The following SPAG1 variants were observed in gnomAD, a reference collection of about 807,000 sequenced individuals.
SPAG1 encodes sperm-associated antigen 1.
Under a neutral mutation model 100.5 loss-of-function variants are expected in SPAG1, and 69 were observed. The ratio of observed to expected loss-of-function variants is 0.69; its 90% CI spans 0.57 to 0.84. The LOEUF is 0.84. Ranked by LOEUF, SPAG1 falls within the 40% of genes least tolerant of loss-of-function variation. SPAG1 has a pLI of 0.00. For synonymous variants in SPAG1, 336 were observed against 411.6 expected, an observed-to-expected ratio of 0.82 and a Z score of 2.22; for missense variants, 955 against 1,133.1, an observed-to-expected ratio of 0.84 and a Z score of 2.26.
intron 16 of SPAG1, among the ~76,000 whole-genome samples, chr8:100,235,050 C>T (rs1323358735): frequency 6.6e-6 from 1 of 152,178 alleles, no homozygotes; most frequent in African/African-American, 2.4e-5. Flanking sequence ...AACAAAGCGC[C>T]ATAGACTGGG....
rs531864358 is a variant in SPAG1 at position 100,193,471 on chromosome 8, A to C, written c.940-641A>C. Among the ~76,000 whole-genome samples, 126 of 152,212 alleles carry C rather than the reference A, an allele frequency of 8.3e-4. 1 individual carries two copies. Among genetic ancestry groups the C allele is most frequent in the East Asian group, 4.5e-3 (23 of 5,142 alleles). Reference sequence around the variant, plus strand: ...GGGAAACCCTGTCTCAGAAACAACAACACCAACAACAACAAAACAAAACAA... The same window carrying C: ...GGGAAACCCTGTCTCAGAAACAACACCACCAACAACAACAAAACAAAACAA... On this transcript the variant is annotated intron_variant, in intron 9 of 18. Coordinates refer to ENST00000388798, the MANE Select transcript of SPAG1 (RefSeq NM_003114.5).
chr8:100,201,632 A>G (rs1330331040), intron 10 of SPAG1, among the ~76,000 whole-genome samples: 1 of 152,112 alleles, frequency 6.6e-6, no homozygotes, highest in Non-Finnish European at 1.5e-5. Flanking sequence ...CTTTTGTCAT[A>G]ATGCTGGCTA....
intron 7 of SPAG1, among the ~76,000 whole-genome samples, chr8:100,185,627 A>G (rs1586431446): frequency 6.6e-6 from 1 of 152,226 alleles, no homozygotes; most frequent in Non-Finnish European, 1.5e-5. Context: ...GAAGTTCTTA[A>G]CAGCCTATGA....
intron 10 of SPAG1, among the ~76,000 whole-genome samples, chr8:100,210,307 T>C (rs932127515): frequency 3.3e-5 from 5 of 152,262 alleles, no homozygotes; most frequent in Middle Eastern, 3.4e-3. Context: ...TGTGTTGGCA[T>C]TGATTGATTT....
intron 4 of SPAG1, among the ~76,000 whole-genome samples, chr8:100,182,060 A>G (rs1816390691): frequency 6.6e-6 from 1 of 152,232 alleles, no homozygotes; most frequent in South Asian, 2.1e-4. Flanking sequence ...AAGATATGTA[A>G]TAGTTTAAAA....
intron 3 of SPAG1, among the ~76,000 whole-genome samples, chr8:100,170,101 G>A (rs1163277350): frequency 1.3e-5 from 2 of 152,062 alleles, no homozygotes; most frequent in Non-Finnish European, 1.5e-5. Context: ...GTTTGAATTG[G>A]GATTGTGTTG....
chr8:100,218,117 C>G (rs1057294242), intron 12 of SPAG1, among the ~76,000 whole-genome samples: 1 of 152,142 alleles, frequency 6.6e-6, no homozygotes, highest in Non-Finnish European at 1.5e-5. Flanking sequence ...CTTATCTTTG[C>G]TACTCTCACA....
chr8:100,175,696 A>G (rs1816085667), intron 3 of SPAG1, among the ~76,000 whole-genome samples: 1 of 152,176 alleles, frequency 6.6e-6, no homozygotes, highest in African/African-American at 2.4e-5. Flanking sequence ...TCTTGAACTC[A>G]TGGGATTCTG....
chr8:100,210,059 TC>T (rs1817657390), intron 10 of SPAG1, among the ~76,000 whole-genome samples: 1 of 152,170 alleles, frequency 6.6e-6, no homozygotes, highest in African/African-American at 2.4e-5. Flanking sequence ...AAAATGGGCA[TC>T]CTTGTCTTGT....
intron 13 of SPAG1, among the ~76,000 whole-genome samples, chr8:100,220,744 T>A (rs1264680818): frequency 6.6e-6 from 1 of 152,170 alleles, no homozygotes; most frequent in Non-Finnish European, 1.5e-5. Flanking sequence ...TAAATATATG[T>A]GGTGATAAGA....
intron 14 of SPAG1, among the ~76,000 whole-genome samples, chr8:100,226,308 A>G (rs905065072): frequency 6.6e-6 from 1 of 152,050 alleles, no homozygotes; most frequent in Non-Finnish European, 1.5e-5. Flanking sequence ...AAGGCAGGGG[A>G]ATGTATTAAT....
chr8:100,218,211 T>C (rs1818096855), intron 12 of SPAG1, among the ~76,000 whole-genome samples: 6 of 152,258 alleles, frequency 3.9e-5, no homozygotes, highest in Admixed American at 3.9e-4. Flanking sequence ...CTTCAAAAGT[T>C]CTCTGTGCTT....
At chr8:100,217,468 G>A (rs554224452) in intron 12 of SPAG1, among the ~76,000 whole-genome samples, 1 of 152,034 alleles carries the variant, frequency 6.6e-6, no homozygotes, top group Non-Finnish European at 1.5e-5. Context: ...TTGGGGTTGG[G>A]GGGGTGTTGA....
Position 100,222,198 on chromosome 8 carries a change from C to A in SPAG1, c.1688+1767C>A, listed in dbSNP as rs546975728. 5.9e-5 allele frequency among the ~76,000 whole-genome samples: 9 copies of A among 152,298 alleles called. 2 individuals carry two copies. Among genetic ancestry groups the A allele is most frequent in the African/African-American group, 1.9e-4 (8 of 41,570 alleles). On this transcript the variant is annotated intron_variant, in intron 13 of 18. Coordinates refer to ENST00000388798, the MANE Select transcript of SPAG1 (RefSeq NM_003114.5). ...GAGAGGACTTGCCTCCTCTAGGAAA[C>A]TACTTGCCCTGATCCACTGTCTCCC... is the stretch of plus-strand genomic sequence containing the variant.
At position 100,213,295 on chromosome 8, in the gene SPAG1, G is replaced by A. The variant is rs1817817126; in HGVS notation, c.1302G>A (p.Gly434=). The A allele has an allele frequency of 8.1e-6, 10 of 1,227,732 alleles. No homozygotes were observed. The highest frequency in any genetic ancestry group is 1.0e-5 in the Non-Finnish European group (10 of 986,972). 76.1% of individuals were successfully genotyped at this position (1,227,732 alleles called of 1,614,324 possible). The part of the protein sequence containing the change: ...AAAAAGGGAT[G]HPGGGQGAEN... ...CGGCGGCGGGCGGCGGCGCCACCGG[G>A]CATCCGGGCGGCGGGCAGGGCGCGG... is the stretch of plus-strand genomic sequence containing the variant. Residue 434 remains glycine (G), a synonymous_variant, in exon 11 of 19, where the codon GGG becomes GGA. Transcript: ENST00000388798.
intron 10 of SPAG1, among the ~76,000 whole-genome samples, chr8:100,209,907 CT>C (rs561570257): frequency 4.1e-4 from 61 of 150,168 alleles, no homozygotes; most frequent in East Asian, 2.9e-3. Flanking sequence ...GGGGTGGATT[CT>C]TTTTTTTTAA....
intron 4 of SPAG1, among the ~76,000 whole-genome samples, chr8:100,179,934 T>C (rs561763009): frequency 6.6e-6 from 1 of 152,338 alleles, no homozygotes; most frequent in East Asian, 1.9e-4. Flanking sequence ...CTTAGGATTT[T>C]GGCAAAAATT....
intron 12 of SPAG1, among the ~76,000 whole-genome samples, chr8:100,219,504 G>T (rs927547679): frequency 1.3e-5 from 2 of 152,152 alleles, no homozygotes; most frequent in East Asian, 3.8e-4. Flanking sequence ...TTAACCAAAG[G>T]CTCTGCGCTG....
At chr8:100,204,935 T>C (rs112313639) in intron 10 of SPAG1, among the ~76,000 whole-genome samples, 3,274 of 152,216 alleles carry the variant, frequency 0.022, 103 homozygotes, top group African/African-American at 0.072. Flanking sequence ...GTAGCTACCA[T>C]AATGGACAGT....
Sources: allele counts gnomAD v4.1 joint callset (sites outside exome capture counted in the v4.1 genomes callset), GRCh38; gene constraint gnomAD v4.1.1; transcripts MANE v1.5; gene names NCBI Gene and HGNC (gene_info 2026-07-23, HGNC 2026-07-21).